The following DYNC2I2 variants were observed in gnomAD, a reference collection of about 807,000 sequenced individuals.
DYNC2I2 encodes cytoplasmic dynein 2 intermediate chain 2.
In DYNC2I2, 39 loss-of-function variants were observed where a neutral mutation model predicts 52.0. The ratio of observed to expected loss-of-function variants is 0.75; its 90% CI spans 0.58 to 0.98. The LOEUF is 0.98. Among genes scored for constraint, DYNC2I2 ranks in the 50% least tolerant of loss-of-function variants. The pLI is 0.00. For synonymous variants in DYNC2I2, 359 were observed against 321.1 expected, an observed-to-expected ratio of 1.12 and a Z score of -1.26; for missense variants, 743 against 728.4, an observed-to-expected ratio of 1.02 and a Z score of -0.23.
At chr9:128,665,914 A>T in the DYNC2I2 span, among the ~76,000 whole-genome samples, 5 of 151,420 alleles carry the variant, frequency 3.3e-5, no homozygotes, top group African/African-American at 1.2e-4. Context: ...CTACTAAAAA[A>T]AAAAAAAAAA....
At chr9:128,634,618 G>T in intron 7 of DYNC2I2, 71 bp downstream of exon 7, 1 of 1,430,602 alleles carries the variant, frequency 7.0e-7, no homozygotes, top group Non-Finnish European at 9.3e-7. Context: ...TTGTCATGAG[G>T]CTTGGCAGGC....
the DYNC2I2 span, among the ~76,000 whole-genome samples, chr9:128,670,240 A>G: frequency 6.6e-6 from 1 of 152,120 alleles, no homozygotes; most frequent in African/African-American, 2.4e-5. Context: ...GGAGTTTGGG[A>G]CCAGCCTGGC....
the DYNC2I2 span, chr9:128,683,643 C>T: frequency 2.4e-6 from 1 of 418,350 alleles, no homozygotes; most frequent in Non-Finnish European, 4.3e-6. Context: ...GCCCCCTCCC[C>T]CAAAGCCAAG....
Position 128,634,889 on chromosome 9 carries a change from C to T in DYNC2I2, c.1014G>A (p.Thr338=), listed in dbSNP as rs775718174. 9.9e-6 allele frequency: 16 copies of T among 1,612,912 alleles called. No individual in the cohort carries two copies. The highest frequency in any genetic ancestry group is 6.7e-5 in the East Asian group (3 of 44,864). The stretch of plus-strand genomic sequence containing the variant: ...GGTCAAAGCTGGAGAAGGCCACTGC[C>T]GTGGCGCCCACCTCGGTCTCCCCGC... ...HPRGETEVGA[T]AVAFSSFDPR... The change falls in exon 7 of 9, where the codon ACG becomes ACA. Residue 338 remains threonine, a synonymous_variant. Transcript: ENST00000372715.
At chr9:128,635,923 C>T (rs1242672244) in intron 4 of DYNC2I2, 156 bp from the exon 5 acceptor site, 2 of 719,994 alleles carry the variant, frequency 2.8e-6, no homozygotes, top group East Asian at 2.7e-5. Flanking sequence ...GAGTCCTAGC[C>T]CCCAGCTCCC....
chr9:128,633,869 G>A lies in DYNC2I2; in HGVS notation c.1486C>T (p.Gln496Ter). ...YCLEFNSQQT[Q>*]LLAAGDAQGT... Reference sequence around the variant, plus strand: ...TGGGCATCGCCCGCAGCCAAGAGCTGAGTCTGCTGGCTGTTGAACTCCAGA... The same window carrying A: ...TGGGCATCGCCCGCAGCCAAGAGCTAAGTCTGCTGGCTGTTGAACTCCAGA... The change falls in exon 9 of 9, where the codon CAG becomes TAG. Residue 496 changes from glutamine to a stop codon, truncating the protein, a stop_gained. Coordinates refer to ENST00000372715, the MANE Select transcript of DYNC2I2 (RefSeq NM_052844.4). LOFTEE classifies it high-confidence loss of function. 1.9e-6 allele frequency: 3 copies of A among 1,613,604 alleles called. No homozygotes were observed. Among genetic ancestry groups the A allele is most frequent in the South Asian group, 1.1e-5 (1 of 91,090 alleles).
intron 1 of DYNC2I2, chr9:128,651,056 G>A: frequency 1.7e-5 from 1 of 58,174 alleles, no homozygotes. Context: ...ATCTTTCACT[G>A]TCTCTATGAA....
upstream of DYNC2I2, among the ~76,000 whole-genome samples, chr9:128,659,998 G>C (rs946639131): frequency 1.3e-5 from 2 of 150,884 alleles, no homozygotes; most frequent in Non-Finnish European, 3.0e-5. Context: ...GGGCCTGTGA[G>C]GTCAAGTGCA....
chr9:128,648,813 AG>A (rs869076421), intron 1 of DYNC2I2, among the ~76,000 whole-genome samples: 97 of 94,976 alleles, frequency 1.0e-3, no homozygotes, highest in African/African-American at 2.1e-3. Flanking sequence ...AAAAAAAAAA[AG>A]AGAGAGAGAA....
chr9:128,649,307 G>A (rs571042606), intron 1 of DYNC2I2, among the ~76,000 whole-genome samples: 17 of 152,196 alleles, frequency 1.1e-4, no homozygotes, highest in Admixed American at 2.6e-4. Flanking sequence ...AGCCAGGCGC[G>A]ATGGTGTGCA....
At chr9:128,636,019 G>A (rs975188538) in intron 4 of DYNC2I2, 21 of 697,800 alleles carry the variant, frequency 3.0e-5, no homozygotes, top group African/African-American at 1.2e-4. Context: ...TACCACTGAC[G>A]GCTTCCCAAG....
Position 128,656,534 on chromosome 9 carries a change from C to T in DYNC2I2, c.186+7G>A. The T allele has an allele frequency of 7.2e-7, 1 of 1,384,838 alleles. No individual in the cohort carries two copies. The highest frequency in any genetic ancestry group is 1.5e-5 in the African/African-American group (1 of 65,986). The allele number at this position is 1,384,838 out of a possible 1,614,324, so 85.8% of individuals were successfully genotyped here. On this transcript the variant is annotated splice_region_variant and intron_variant, in intron 1 of 8. Transcript: ENST00000372715. ...CGCGTCGCTCCGCGCGGGGCCCGCGCCCTCACCGTCTCCCAGCGGATGCCC... is the reference window on the plus strand; with the variant it reads ...CGCGTCGCTCCGCGCGGGGCCCGCGTCCTCACCGTCTCCCAGCGGATGCCC...
chr9:128,638,439 C>CA (rs1157067935), intron 2 of DYNC2I2, among the ~76,000 whole-genome samples: 1 of 151,948 alleles, frequency 6.6e-6, no homozygotes, highest in East Asian at 1.9e-4. Context: ...ATAGCTTGAA[C>CA]CCAGGAGGCA....
upstream of DYNC2I2, among the ~76,000 whole-genome samples, chr9:128,661,764 G>A (rs545240028): frequency 1.3e-5 from 2 of 151,056 alleles, no homozygotes; most frequent in Middle Eastern, 3.6e-3. Context: ...AAAGCCGGCC[G>A]GGCTTGGTGG....
At chr9:128,640,658 C>G (rs767436479) in intron 2 of DYNC2I2, 33 bp downstream of exon 2, 1 of 1,596,796 alleles carries the variant, frequency 6.3e-7, no homozygotes. Context: ...GGGGCAGGGG[C>G]TCGACCCGAG....
chr9:128,636,330 G>T lies in DYNC2I2; in HGVS notation c.654C>A (p.Ser218Arg), dbSNP rs750407126. Residue 218 changes from serine (S) to arginine (R), a missense_variant, in exon 4 of 9, where the codon AGC becomes AGA. Coordinates refer to ENST00000372715, the MANE Select transcript of DYNC2I2 (RefSeq NM_052844.4). ...GGTGGAAGGCCAGACACAGGACAGC[G>T]CTGGGGACCTCCACCACGGCCGACG... Reference protein sequence around the residue: ...QQPSAVVEVPSAVLCLAFHPT... With the variant: ...QQPSAVVEVPRAVLCLAFHPT... The T allele has an allele frequency of 9.4e-6, 15 of 1,597,320 alleles. No individual in the cohort carries two copies. The highest frequency in any genetic ancestry group is 1.2e-5 in the Non-Finnish European group (14 of 1,172,614).
the DYNC2I2 span, among the ~76,000 whole-genome samples, chr9:128,675,495 A>G: frequency 1.3e-5 from 2 of 152,092 alleles, no homozygotes; most frequent in Non-Finnish European, 1.5e-5. Flanking sequence ...TTGATTCTTC[A>G]TTTGGTTTGG....
Position 128,634,389 on chromosome 9 carries a change from C to T in DYNC2I2, c.1215-6G>A, listed in dbSNP as rs374616949. The T allele has an allele frequency of 1.0e-4, 157 of 1,572,508 alleles. No individual in the cohort carries two copies. The highest frequency in any genetic ancestry group is 1.9e-4 in the South Asian group (16 of 83,962). ...CAGCGCTCAGGAAGAGATTCCTAGACGGGATGCAGGGGGCCAGGCAAGGGA... is the reference window on the plus strand; with the variant it reads ...CAGCGCTCAGGAAGAGATTCCTAGATGGGATGCAGGGGGCCAGGCAAGGGA... On this transcript the variant is annotated splice_region_variant and splice_polypyrimidine_tract_variant and intron_variant, in intron 7 of 8. Coordinates refer to ENST00000372715, the MANE Select transcript of DYNC2I2 (RefSeq NM_052844.4).
At chr9:128,654,566 T>C (rs927301897) in intron 1 of DYNC2I2, among the ~76,000 whole-genome samples, 13 of 151,926 alleles carry the variant, frequency 8.6e-5, no homozygotes, top group African/African-American at 2.4e-4. Context: ...GACCTTTTTT[T>C]CCCCCTGTAA....
Sources: gnomAD v4.1 joint callset for allele counts (sites outside exome capture counted in the v4.1 genomes callset) on GRCh38, gnomAD v4.1.1 for gene constraint, MANE v1.5 for transcripts, NCBI Gene and HGNC (gene_info 2026-07-23, HGNC 2026-07-21) for gene names.